Variants in PITPNC1 observed in about 807,000 individuals in gnomAD.
PITPNC1 encodes phosphatidylinositol transfer protein cytoplasmic 1.
A neutral mutation model predicts 44.7 loss-of-function variants in PITPNC1; 18 were observed. The ratio of observed to expected loss-of-function variants is 0.40; its 90% CI spans 0.28 to 0.60. PITPNC1 has a LOEUF of 0.60. Ranked by LOEUF, PITPNC1 falls within the 20% of genes least tolerant of loss-of-function variation. The pLI, the probability that PITPNC1 is intolerant of heterozygous loss-of-function variation, is 0.39. For synonymous variants in PITPNC1, 141 were observed against 149.6 expected (o/e 0.94, Z 0.42); for missense variants, 290 against 418.4 (o/e 0.69, Z 2.68).
At chr17:67,663,027 CT>C (rs2042371083) in intron 6 of PITPNC1, among the ~76,000 whole-genome samples, 1 of 152,058 alleles carries the variant, frequency 6.6e-6, no homozygotes, top group African/African-American at 2.4e-5. Context: ...AGAATGATTT[CT>C]TTTCTTTGGG....
At chr17:67,401,228 C>T (rs1360084126) in intron 1 of PITPNC1, among the ~76,000 whole-genome samples, 1 of 152,150 alleles carries the variant, frequency 6.6e-6, no homozygotes, top group Non-Finnish European at 1.5e-5. Flanking sequence ...AGCCACCGCG[C>T]CTGGCCAGTT....
At chr17:67,489,199 GTACT>G (rs3052404) in intron 1 of PITPNC1, among the ~76,000 whole-genome samples, 20,157 of 152,122 alleles carry the variant, frequency 0.13, 1,464 homozygotes, top group Middle Eastern at 0.22. Flanking sequence ...CACCCTAGGA[GTACT>G]TACTGGGCTG....
intron 1 of PITPNC1, among the ~76,000 whole-genome samples, chr17:67,450,375 T>TA (rs56265343): frequency 0.041 from 6,051 of 148,512 alleles, 142 homozygotes; most frequent in South Asian, 0.076. Flanking sequence ...GAGACTTCGT[T>TA]AAAAAAAAAA....
intron 5 of PITPNC1, among the ~76,000 whole-genome samples, chr17:67,595,289 A>G (rs9915355): frequency 0.019 from 2,844 of 152,242 alleles, 99 homozygotes; most frequent in African/African-American, 0.066. Context: ...TGGCTTCCTA[A>G]TAATGCAAAT....
chr17:67,641,812 A>ATAATAATAC (rs1405264626), intron 6 of PITPNC1, among the ~76,000 whole-genome samples: 1 of 148,696 alleles, frequency 6.7e-6, no homozygotes, highest in Non-Finnish European at 1.5e-5. Flanking sequence ...AATAATAATA[A>ATAATAATAC]TAATAATAAT....
At chr17:67,522,014 AC>A (rs1395062068) in intron 1 of PITPNC1, among the ~76,000 whole-genome samples, 2 of 151,438 alleles carry the variant, frequency 1.3e-5, no homozygotes, top group Non-Finnish European at 2.9e-5. Flanking sequence ...TATATTAAAG[AC>A]CTCTCGGGCT....
chr17:67,518,957 A>G (rs1013857038), intron 1 of PITPNC1, among the ~76,000 whole-genome samples: 2 of 152,166 alleles, frequency 1.3e-5, no homozygotes, highest in Non-Finnish European at 2.9e-5. Flanking sequence ...GTATTTTTAA[A>G]TGTAAAACAA....
In PITPNC1 at chr17:67,696,784, A is replaced by C. The variant is rs1441756933; in HGVS notation, c.*3896A>C. 2.0e-5 allele frequency: 3 copies of C among 152,348 alleles called. No homozygotes were observed. In the East Asian group the frequency reaches 5.8e-4, roughly 29 times the overall value. 9.4% of individuals were successfully genotyped at this position (152,348 alleles called of 1,614,324 possible). On this transcript the variant is annotated 3_prime_UTR_variant, in exon 9 of 9. Transcript: ENST00000581322. ...TTTTAGGAGTTAGTGTAATAAGAGAATGTGAATATGTTGGGAAATTTTCAG... is the reference window on the plus strand; with the variant it reads ...TTTTAGGAGTTAGTGTAATAAGAGACTGTGAATATGTTGGGAAATTTTCAG...
At chr17:67,599,841 T>G (rs2041517596) in intron 5 of PITPNC1, among the ~76,000 whole-genome samples, 1 of 152,170 alleles carries the variant, frequency 6.6e-6, no homozygotes, top group Non-Finnish European at 1.5e-5. Context: ...AAGTTCATGT[T>G]CGGGTGTATC....
At chr17:67,666,882 G>A (rs1414240917) in intron 6 of PITPNC1, among the ~76,000 whole-genome samples, 2 of 152,226 alleles carry the variant, frequency 1.3e-5, no homozygotes, top group Non-Finnish European at 2.9e-5. Flanking sequence ...GGCCTTGGCG[G>A]AGCCACGGCC....
At chr17:67,439,457 A>G (rs1000832172) in intron 1 of PITPNC1, among the ~76,000 whole-genome samples, 2 of 152,168 alleles carry the variant, frequency 1.3e-5, no homozygotes, top group Non-Finnish European at 2.9e-5. Flanking sequence ...GTATTTATTT[A>G]ATCTTGTATC....
At chr17:67,691,205 AG>A (rs2042921540) in intron 8 of PITPNC1, among the ~76,000 whole-genome samples, 2 of 152,210 alleles carry the variant, frequency 1.3e-5, no homozygotes, top group South Asian at 4.1e-4. Context: ...GACCCTGAGA[AG>A]GAACTAAGGA....
At chr17:67,467,710 A>G (rs1221664961) in intron 1 of PITPNC1, among the ~76,000 whole-genome samples, 1 of 152,208 alleles carries the variant, frequency 6.6e-6, no homozygotes, top group Non-Finnish European at 1.5e-5. Context: ...GCCACCTGCC[A>G]GCCACAACCA....
intron 5 of PITPNC1, among the ~76,000 whole-genome samples, chr17:67,592,360 T>G (rs1005711444): frequency 1.6e-4 from 25 of 152,154 alleles, no homozygotes; most frequent in Non-Finnish European, 3.1e-4. Context: ...AACAAAGACC[T>G]GAACAAATTA....
At chr17:67,625,535 G>A (rs1442699974) in intron 5 of PITPNC1, among the ~76,000 whole-genome samples, 3 of 152,160 alleles carry the variant, frequency 2.0e-5, no homozygotes, top group Non-Finnish European at 4.4e-5. Flanking sequence ...GCCACTGCTT[G>A]TTTTTAATGG....
intron 2 of PITPNC1, among the ~76,000 whole-genome samples, chr17:67,547,774 C>T (rs2040704014): frequency 6.6e-6 from 1 of 152,132 alleles, no homozygotes; most frequent in South Asian, 2.1e-4. Context: ...TCCAGAAGCT[C>T]TTTATGAAGT....
At chr17:67,606,409 T>C (rs1010816673) in intron 5 of PITPNC1, among the ~76,000 whole-genome samples, 1 of 152,150 alleles carries the variant, frequency 6.6e-6, no homozygotes, top group East Asian at 1.9e-4. Context: ...TTCAAAGAGA[T>C]GGGACAATGT....
chr17:67,458,423 T>C (rs1255032254), intron 1 of PITPNC1, among the ~76,000 whole-genome samples: 1 of 152,224 alleles, frequency 6.6e-6, no homozygotes, highest in East Asian at 1.9e-4. Context: ...TCTTCCATTT[T>C]ACTGAATTCT....
intron 4 of PITPNC1, among the ~76,000 whole-genome samples, chr17:67,566,595 A>G: frequency 6.6e-6 from 1 of 152,252 alleles, no homozygotes; most frequent in East Asian, 1.9e-4. Context: ...TTTTCAAGGT[A>G]CTAGGGTAAT....
Sources: allele counts gnomAD v4.1 joint callset (sites outside exome capture counted in the v4.1 genomes callset), GRCh38; gene constraint gnomAD v4.1.1; transcripts MANE v1.5; gene names NCBI Gene and HGNC (gene_info 2026-07-23, HGNC 2026-07-21).